Variants in MUSK observed in about 807,000 individuals in gnomAD.
MUSK encodes muscle associated receptor tyrosine kinase, also known as muscle, skeletal receptor tyrosine-protein kinase.
MUSK carries 55 observed loss-of-function variants against 88.7 expected under a neutral mutation model. The ratio of observed to expected loss-of-function variants is 0.62; its 90% CI spans 0.50 to 0.78. The LOEUF (loss-of-function observed/expected upper bound fraction) is 0.78. Ranked by LOEUF, MUSK falls within the 30% of genes least tolerant of loss-of-function variation. The pLI is 0.00. For missense variants in MUSK, 1,015 were observed against 1,074.3 expected, an observed-to-expected ratio of 0.94 and a Z score of 0.77; for synonymous variants, 387 against 391.9, an observed-to-expected ratio of 0.99 and a Z score of 0.15.
chr9:110,757,619 A>C (rs1373495038), intron 7 of MUSK, among the ~76,000 whole-genome samples: 1 of 151,562 alleles, frequency 6.6e-6, no homozygotes, highest in African/African-American at 2.4e-5. Context: ...AGTCATTTTG[A>C]ACACTTGCAT....
intron 3 of MUSK, among the ~76,000 whole-genome samples, chr9:110,688,981 T>C (rs1387528102): frequency 6.9e-6 from 1 of 144,768 alleles, no homozygotes; most frequent in Non-Finnish European, 1.5e-5. Context: ...TATTTAAATA[T>C]ATACAAATAT....
chr9:110,749,495 G>T (rs1463494199), intron 7 of MUSK, among the ~76,000 whole-genome samples: 1 of 152,180 alleles, frequency 6.6e-6, no homozygotes, highest in African/African-American at 2.4e-5. Flanking sequence ...AACAAAAGTT[G>T]AAACATGGGC....
chr9:110,756,082 G>C (rs1250033072), intron 7 of MUSK, among the ~76,000 whole-genome samples: 1 of 150,362 alleles, frequency 6.7e-6, no homozygotes, highest in Non-Finnish European at 1.5e-5. Flanking sequence ...GCTCAGAAAG[G>C]TGCCCAGTCT....
At chr9:110,718,547 T>A (rs1483338375) in intron 5 of MUSK, among the ~76,000 whole-genome samples, 1 of 151,950 alleles carries the variant, frequency 6.6e-6, no homozygotes, top group Non-Finnish European at 1.5e-5. Flanking sequence ...AAATAATTTT[T>A]AAAAATGGAC....
At chr9:110,673,014 T>C (rs2075979786) in intron 1 of MUSK, among the ~76,000 whole-genome samples, 1 of 152,226 alleles carries the variant, frequency 6.6e-6, no homozygotes, top group Non-Finnish European at 1.5e-5. Flanking sequence ...AAACGAGCTC[T>C]GGCTGAGATG....
At chr9:110,692,696 CTA>C (rs889501391) in intron 3 of MUSK, among the ~76,000 whole-genome samples, 2 of 151,968 alleles carry the variant, frequency 1.3e-5, no homozygotes, top group Non-Finnish European at 2.9e-5. Flanking sequence ...GTCTTAAAAA[CTA>C]TATTTTTAAT....
chr9:110,708,717 C>A (rs1287558376), intron 5 of MUSK, among the ~76,000 whole-genome samples: 2 of 152,100 alleles, frequency 1.3e-5, no homozygotes, highest in African/African-American at 4.8e-5. Flanking sequence ...TTTAGTTGAA[C>A]AGTTGTCACT....
chr9:110,745,539 T>A (rs1328924547), intron 6 of MUSK, among the ~76,000 whole-genome samples: 4 of 152,222 alleles, frequency 2.6e-5, no homozygotes, highest in African/African-American at 9.6e-5. Flanking sequence ...TTAGCTTTTT[T>A]TCTTATTGTT....
At position 110,800,400 on chromosome 9, in the gene MUSK, C is replaced by G; in HGVS notation, c.2022C>G (p.Thr674=). 2 of 1,613,852 alleles carry G rather than the reference C, an allele frequency of 1.2e-6. No homozygotes were observed. The highest frequency in any genetic ancestry group is 1.7e-6 in the Non-Finnish European group (2 of 1,179,856). Reference sequence around the variant, plus strand: ...TCCTCCGCAGCATGTCCCCTCACACCGTGTGCAGCCTCAGTCACAGTGACT... The same window carrying G: ...TCCTCCGCAGCATGTCCCCTCACACGGTGTGCAGCCTCAGTCACAGTGACT... The part of the protein sequence containing the change: ...NEFLRSMSPH[T]VCSLSHSDLS... The change falls in exon 15 of 15, where the codon ACC becomes ACG. Residue 674 remains threonine, a synonymous_variant. Coordinates refer to ENST00000374448, the MANE Select transcript of MUSK (RefSeq NM_005592.4).
chr9:110,697,238 G>T (rs1441213698), intron 4 of MUSK, 87 bp from the exon 5 acceptor site: 9 of 1,372,316 alleles, frequency 6.6e-6, no homozygotes, highest in Admixed American at 3.6e-5. Context: ...GATGATAATA[G>T]TGATGACAAT....
At chr9:110,783,889 AT>A in intron 11 of MUSK, among the ~76,000 whole-genome samples, 1 of 152,134 alleles carries the variant, frequency 6.6e-6, no homozygotes, top group East Asian at 1.9e-4. Context: ...TGTCTAATCT[AT>A]AACTATAGTT....
At chr9:110,680,771 T>G (rs2076098145) in intron 1 of MUSK, among the ~76,000 whole-genome samples, 1 of 150,182 alleles carries the variant, frequency 6.7e-6, no homozygotes, top group Admixed American at 6.8e-5. Flanking sequence ...TTTGAAAAAT[T>G]ATCAGCCATT....
intron 5 of MUSK, among the ~76,000 whole-genome samples, chr9:110,708,339 A>G (rs1366171151): frequency 6.6e-6 from 1 of 152,112 alleles, no homozygotes; most frequent in Non-Finnish European, 1.5e-5. Flanking sequence ...AATATCACAA[A>G]TGCCACAGAG....
chr9:110,780,539 T>C (rs963540665), intron 11 of MUSK, among the ~76,000 whole-genome samples: 1 of 152,260 alleles, frequency 6.6e-6, no homozygotes, highest in Non-Finnish European at 1.5e-5. Flanking sequence ...GAAGGGAAAG[T>C]GTCTTGGGAG....
intron 3 of MUSK, among the ~76,000 whole-genome samples, chr9:110,694,392 A>C (rs1231919267): frequency 1.4e-5 from 2 of 144,504 alleles, no homozygotes; most frequent in Non-Finnish European, 3.0e-5. Flanking sequence ...TCTCAAAAAA[A>C]AAAAAAAAAA....
intron 5 of MUSK, among the ~76,000 whole-genome samples, chr9:110,731,493 AG>A (rs2076962457): frequency 6.6e-6 from 1 of 152,134 alleles, no homozygotes; most frequent in South Asian, 2.1e-4. Flanking sequence ...TACTGAAAAA[AG>A]GGGGTTGAGT....
At chr9:110,754,237 G>T (rs1191034977) in intron 7 of MUSK, among the ~76,000 whole-genome samples, 1 of 152,124 alleles carries the variant, frequency 6.6e-6, no homozygotes, top group Admixed American at 6.5e-5. Flanking sequence ...GGCATAAAAG[G>T]TAAGCATCCT....
intron 3 of MUSK, among the ~76,000 whole-genome samples, chr9:110,690,762 A>T (rs1243881550): frequency 1.4e-5 from 1 of 70,600 alleles, no homozygotes; most frequent in Non-Finnish European, 2.4e-5. Flanking sequence ...GTATATATAT[A>T]AATATATATA....
Position 110,801,080 on chromosome 9 carries a change from A to G in MUSK, c.*92A>G. 8.7e-7 allele frequency: 1 copy of G among 1,148,214 alleles called. No homozygotes were observed. The highest frequency in any genetic ancestry group is 1.2e-6 in the Non-Finnish European group (1 of 846,568). The allele number at this position is 1,148,214 out of a possible 1,614,324, so 71.1% of individuals were successfully genotyped here. A position where few individuals can be genotyped will look rare whatever the true frequency, so the allele number is the denominator to read the frequency against. On this transcript the variant is annotated 3_prime_UTR_variant, in exon 15 of 15. Coordinates refer to ENST00000374448, the MANE Select transcript of MUSK (RefSeq NM_005592.4). The stretch of plus-strand genomic sequence containing the variant: ...ACCAGAGGCCCAACAAGACCCACAT[A>G]GGAAAGAGTAAGAGTAAACATGAGT...
Sources: gnomAD v4.1 joint callset for allele counts (sites outside exome capture counted in the v4.1 genomes callset) on GRCh38, gnomAD v4.1.1 for gene constraint, MANE v1.5 for transcripts, NCBI Gene and HGNC (gene_info 2026-07-23, HGNC 2026-07-21) for gene names.